CHD6: variants seen among roughly 807,000 people sequenced by gnomAD.
CHD6 encodes the protein chromodomain helicase DNA binding protein 6.
Under a neutral mutation model 276.9 loss-of-function variants are expected in CHD6, and 50 were observed. That is an observed-to-expected ratio of 0.18 (90% CI 0.14 to 0.23). The LOEUF (loss-of-function observed/expected upper bound fraction) is 0.23, where lower values mean the gene tolerates loss of function less well. Ranked by LOEUF, CHD6 falls within the 10% of genes least tolerant of loss-of-function variation. CHD6 has a pLI of 1.00. For synonymous variants in CHD6, 1,173 were observed against 1,229.3 expected (o/e 0.95, Z 0.96); for missense variants, 2,564 against 3,365.8 (o/e 0.76, Z 5.89).
rs750084802 is a variant in CHD6 at position 41,413,473 on chromosome 20, G to A, written c.6982C>T (p.His2328Tyr). The A allele has an allele frequency of 4.4e-6, 7 of 1,606,592 alleles. No individual in the cohort carries two copies. The South Asian group carries it at 5.6e-5, about 13-fold the overall frequency. Residue 2328 changes from histidine (H) to tyrosine (Y), a missense_variant, in exon 35 of 37, where the codon CAC becomes TAC. Physicochemically the swap from His to Tyr is moderately conservative, Grantham distance 83. This residue lies in a region of CHD6 where 1,024 missense variants were observed against 1,047.9 expected (regional missense o/e 0.98). Coordinates refer to ENST00000373233, the MANE Select transcript of CHD6 (RefSeq NM_032221.5). ...DPGQATLSTT[H>Y]PEGPGPATSA... ...GTGGCAGGCCCTGGCCCCTCAGGGT[G>A]TGTGGTGCTCAAGGTGGCCTGCCCT...
intron 27 of CHD6, among the ~76,000 whole-genome samples, chr20:41,434,135 G>A (rs138086038): frequency 3.3e-5 from 5 of 151,962 alleles, no homozygotes; most frequent in South Asian, 2.1e-4. Context: ...CCGGCAGAGC[G>A]TATTAAAGAT....
intron 1 of CHD6, among the ~76,000 whole-genome samples, chr20:41,580,416 C>T (rs1044769606): frequency 1.7e-4 from 26 of 152,050 alleles, no homozygotes; most frequent in Admixed American, 1.6e-3. Flanking sequence ...AATCCTAGCA[C>T]TTAGGGAGGC....
Position 41,405,487 on chromosome 20 carries a change from C to T in CHD6, c.7254G>A (p.Gly2418=). Residue 2418 remains glycine, a splice_region_variant and synonymous_variant, in exon 37 of 37, where the codon GGG becomes GGA. Transcript: ENST00000373233. ...GATTGAACTTGTTTTCTGGAAGAAA[C>T]CCCTGGAAAAACAAAGAAACACAAA... ...PAIPKEPGLR[G]FLPENKFNHT... 1 of 1,544,462 alleles carries T rather than the reference C, an allele frequency of 6.5e-7. No homozygotes were observed. The highest frequency in any genetic ancestry group is 8.7e-7 in the Non-Finnish European group (1 of 1,148,364).
intron 1 of CHD6, among the ~76,000 whole-genome samples, chr20:41,576,329 G>A (rs2045473972): frequency 1.3e-5 from 2 of 152,198 alleles, no homozygotes; most frequent in African/African-American, 2.4e-5. Context: ...CACTATATAT[G>A]TAGCGAATCA....
Position 41,403,815 on chromosome 20 carries a change from G to T in CHD6, c.*778C>A, listed in dbSNP as rs188458115. 1.5e-5 allele frequency: 16 copies of T among 1,057,586 alleles called. No individual in the cohort carries two copies. In the African/African-American group the frequency reaches 2.5e-4, roughly 16 times the overall value. The allele number at this position is 1,057,586 out of a possible 1,614,324, so 65.5% of individuals were successfully genotyped here. ...CTTGTGAAGCAGCGTGTAGCTCTAC[G>T]GAGCGCGGGTCCTTGCCCCACCCCC... On this transcript the variant is annotated 3_prime_UTR_variant, in exon 37 of 37. Coordinates refer to ENST00000373233, the MANE Select transcript of CHD6 (RefSeq NM_032221.5).
rs181784304 is a variant in CHD6, at chr20:41,542,721, C to T, written c.33+8584G>A. Among the ~76,000 whole-genome samples, 164 of 151,690 alleles carry T rather than the reference C, an allele frequency of 1.1e-3. 1 individual carries two copies. Among genetic ancestry groups the T allele is most frequent in the Non-Finnish European group, 1.9e-3 (132 of 67,916 alleles). On this transcript the variant is annotated intron_variant, in intron 2 of 36. Coordinates refer to ENST00000373233, the MANE Select transcript of CHD6 (RefSeq NM_032221.5). ...AAAAAAGAAAAAGAAAGACTGTATT[C>T]ATGGATAAGGAATTGTTCTTTTATA... is the stretch of plus-strand genomic sequence containing the variant.
At chr20:41,539,005 G>A (rs909207334) in intron 2 of CHD6, among the ~76,000 whole-genome samples, 1 of 152,108 alleles carries the variant, frequency 6.6e-6, no homozygotes, top group Non-Finnish European at 1.5e-5. Context: ...TACCCTGCAT[G>A]GACTGCCCAG....
chr20:41,490,131 C>T (rs910811132), intron 11 of CHD6, 110 bp from the exon 12 acceptor site: 5 of 899,718 alleles, frequency 5.6e-6, no homozygotes, highest in Non-Finnish European at 8.7e-6. Flanking sequence ...TCATTGAAGG[C>T]TTTATCATCA....
chr20:41,403,507 C>A lies in CHD6; in HGVS notation c.*1086G>T. On this transcript the variant is annotated 3_prime_UTR_variant, in exon 37 of 37. Coordinates refer to ENST00000373233, the MANE Select transcript of CHD6 (RefSeq NM_032221.5). ...TTTGGGTCCAACTGTAAGATATAAACAGAATGGAGAAATTAATGGAGAAGT... is the reference window on the plus strand; with the variant it reads ...TTTGGGTCCAACTGTAAGATATAAAAAGAATGGAGAAATTAATGGAGAAGT... 3.8e-6 allele frequency: 4 copies of A among 1,062,544 alleles called. No individual in the cohort carries two copies. The highest frequency in any genetic ancestry group is 9.1e-5 in the South Asian group (2 of 21,958). The allele number at this position is 1,062,544 out of a possible 1,614,324, so 65.8% of individuals were successfully genotyped here.
At chr20:41,500,934 C>G (rs1443500228) in intron 5 of CHD6, among the ~76,000 whole-genome samples, 1 of 152,066 alleles carries the variant, frequency 6.6e-6, no homozygotes, top group Non-Finnish European at 1.5e-5. Flanking sequence ...AGAAGTCTCC[C>G]CCATCTCCAT....
intron 8 of CHD6, 91 bp downstream of exon 8, chr20:41,497,293 T>C (rs1397741957): frequency 2.3e-6 from 2 of 851,192 alleles, no homozygotes; most frequent in Non-Finnish European, 4.1e-6. Flanking sequence ...CAGATCTGTA[T>C]AGGAATTTAA....
At chr20:41,438,024 A>AAATC (rs2047771911) in intron 26 of CHD6, among the ~76,000 whole-genome samples, 1 of 152,198 alleles carries the variant, frequency 6.6e-6, no homozygotes, top group Non-Finnish European at 1.5e-5. Context: ...TGACTCTGAT[A>AAATC]AAAGAACACA....
intron 27 of CHD6, among the ~76,000 whole-genome samples, chr20:41,431,659 A>G (rs2047541319): frequency 6.6e-6 from 1 of 152,146 alleles, no homozygotes; most frequent in Non-Finnish European, 1.5e-5. Context: ...TTTAAGTATA[A>G]TTAAACCCTC....
At chr20:41,547,457 C>T (rs1008924045) in intron 2 of CHD6, 2 of 339,290 alleles carry the variant, frequency 5.9e-6, no homozygotes, top group Admixed American at 3.7e-5. Flanking sequence ...AGATTAGAGT[C>T]GTATACCTGA....
At chr20:41,454,560 T>G in intron 20 of CHD6, 66 bp downstream of exon 20, 2 of 1,233,086 alleles carry the variant, frequency 1.6e-6, no homozygotes, top group Non-Finnish European at 2.4e-6. Flanking sequence ...TTGAGCTGTG[T>G]AGGAATTTAT....
At position 41,452,065 on chromosome 20, in the gene CHD6, G is replaced by T; in HGVS notation, c.3324-40C>A. 6.5e-7 allele frequency: 1 copy of T among 1,533,532 alleles called. No homozygotes were observed. Among genetic ancestry groups the T allele is most frequent in the Non-Finnish European group, 9.0e-7 (1 of 1,109,506 alleles). 95.0% of individuals were successfully genotyped at this position (1,533,532 alleles called of 1,614,324 possible). A position where few individuals can be genotyped will look rare whatever the true frequency, so the allele number is the denominator to read the frequency against. On this transcript the variant is annotated intron_variant, in intron 21 of 36. Coordinates refer to ENST00000373233, the MANE Select transcript of CHD6 (RefSeq NM_032221.5). The surrounding 1 kb of genome is among the most constrained non-coding windows in gnomAD (Gnocchi z 4.2). ...ACAGACAGGTGTTGGAGGGAGAATG[G>T]ACCAGGCCATGCAGGCAGCCTCCCC...
At chr20:41,443,997 G>C (rs1367906621) in intron 25 of CHD6, among the ~76,000 whole-genome samples, 3 of 152,182 alleles carry the variant, frequency 2.0e-5, no homozygotes, top group African/African-American at 4.8e-5. Context: ...TGGGACTTCA[G>C]ATGTGTTCTC....
At chr20:41,606,278 A>G (rs2866745) in intron 1 of CHD6, among the ~76,000 whole-genome samples, 95,759 of 151,888 alleles carry the variant, frequency 0.63, 32,960 homozygotes, top group East Asian at 0.91. Flanking sequence ...TTGGGAGGCC[A>G]AGGCGGGCAG....
intron 1 of CHD6, among the ~76,000 whole-genome samples, chr20:41,564,672 A>C (rs1181972254): frequency 1.3e-5 from 2 of 152,214 alleles, no homozygotes; most frequent in African/African-American, 4.8e-5. Context: ...AAAGTTAATA[A>C]AATTTTTAAA....
Sources: gnomAD v4.1 joint callset for allele counts (sites outside exome capture counted in the v4.1 genomes callset) on GRCh38, gnomAD v4.1.1 for gene constraint, gnomAD v4.1.1 regional missense constraint, Gnocchi (gnomAD v3.1) non-coding constraint, MANE v1.5 for transcripts, NCBI Gene and HGNC (gene_info 2026-07-23, HGNC 2026-07-21) for gene names.